The following ST8SIA1 variants were observed in gnomAD, a reference collection of about 807,000 sequenced individuals.
ST8SIA1 encodes the protein alpha-N-acetylneuraminide alpha-2,8-sialyltransferase.
Under a neutral mutation model 35.9 loss-of-function variants are expected in ST8SIA1, and 16 were observed. The observed-to-expected ratio is 0.45, with a 90% CI of 0.30 to 0.68. The LOEUF is 0.68. ST8SIA1 is among the 30% of genes least tolerant of loss of function. The pLI, the probability that ST8SIA1 is intolerant of heterozygous loss-of-function variation, is 0.09. For synonymous variants in ST8SIA1, 170 were observed against 169.6 expected (o/e 1.00, Z -0.02); for missense variants, 383 against 453.6 (o/e 0.84, Z 1.41).
intron 2 of ST8SIA1, among the ~76,000 whole-genome samples, chr12:22,266,502 A>AAAAAT (rs1555158392): frequency 6.7e-6 from 1 of 150,156 alleles, no homozygotes; most frequent in Non-Finnish European, 1.5e-5. Context: ...TTAAAAAAAA[A>AAAAAT]ATATATATAT....
intron 1 of ST8SIA1, among the ~76,000 whole-genome samples, chr12:22,307,779 T>A (rs567917766): frequency 2.0e-5 from 3 of 152,218 alleles, no homozygotes; most frequent in Non-Finnish European, 4.4e-5. Flanking sequence ...TTCTTACAAG[T>A]TTATGCCTAT....
At position 22,312,495 on chromosome 12, in the gene ST8SIA1, A is replaced by G. The variant is rs76709546; in HGVS notation, c.236+21502T>C. Reference sequence around the variant, plus strand: ...CTGAGCAGCAGTTGGCAACAGAACAATGCTTCCTTTGTGCACAGACACATG... The same window carrying G: ...CTGAGCAGCAGTTGGCAACAGAACAGTGCTTCCTTTGTGCACAGACACATG... On this transcript the variant is annotated intron_variant, in intron 1 of 4. Coordinates refer to ENST00000396037, the MANE Select transcript of ST8SIA1 (RefSeq NM_003034.4). Among the ~76,000 whole-genome samples, 393 of 152,274 alleles carry G rather than the reference A, an allele frequency of 2.6e-3. 8 individuals carry two copies. The East Asian group carries it at 0.068, about 26-fold the overall frequency.
chr12:22,302,374 A>G (rs1375681229), intron 1 of ST8SIA1, among the ~76,000 whole-genome samples: 1 of 152,200 alleles, frequency 6.6e-6, no homozygotes, highest in African/African-American at 2.4e-5. Context: ...TTACACACAT[A>G]AGCCACTTTC....
At chr12:22,281,819 C>A (rs993174063) in intron 2 of ST8SIA1, among the ~76,000 whole-genome samples, 1,075 of 102,248 alleles carry the variant, frequency 0.011, no homozygotes, top group Admixed American at 0.012. Flanking sequence ...CTTGTCTCTA[C>A]AAAAAAAAAA....
At chr12:22,253,950 C>T (rs1865700966) in intron 3 of ST8SIA1, among the ~76,000 whole-genome samples, 1 of 152,202 alleles carries the variant, frequency 6.6e-6, no homozygotes, top group Admixed American at 6.5e-5. Flanking sequence ...TCTTCCCTCT[C>T]CCACTTAGCT....
At chr12:22,316,315 T>C (rs1351178370) in intron 1 of ST8SIA1, among the ~76,000 whole-genome samples, 2 of 152,144 alleles carry the variant, frequency 1.3e-5, no homozygotes, top group Non-Finnish European at 2.9e-5. Flanking sequence ...GAGACACAAC[T>C]ATGGAAGAAA....
At position 22,201,649 on chromosome 12, in the gene ST8SIA1, G is replaced by T. The variant is rs1865048972; in HGVS notation, c.974C>A (p.Pro325His). 1.2e-6 allele frequency: 2 copies of T among 1,613,994 alleles called. No homozygotes were observed. The highest frequency in any genetic ancestry group is 1.7e-6 in the Non-Finnish European group (2 of 1,179,996). Residue 325 changes from proline (P) to histidine (H), a missense_variant, in exon 5 of 5, where the codon CCC (proline) becomes CAC (histidine). By Grantham distance (77) the Pro-to-His change is moderately conservative. Transcript: ENST00000396037. ...ATACCAGAGTTGGAGAAATTCCTCG[G>T]GCATGGCATGGAAGCCAGAAAAGGG... is the stretch of plus-strand genomic sequence containing the variant. ...VLPFSGFHAM[P>H]EEFLQLWYLH...
chr12:22,227,402 C>T (rs1452412184), intron 4 of ST8SIA1, among the ~76,000 whole-genome samples: 1 of 151,586 alleles, frequency 6.6e-6, no homozygotes, highest in East Asian at 2.0e-4. Flanking sequence ...GGTGAAACCC[C>T]ATCTCTACTA....
intron 4 of ST8SIA1, among the ~76,000 whole-genome samples, chr12:22,216,596 TTTTA>T (rs924410583): frequency 3.3e-5 from 5 of 152,218 alleles, no homozygotes; most frequent in African/African-American, 1.2e-4. Context: ...ATCACTTTAT[TTTTA>T]TCAAGGTACT....
intron 1 of ST8SIA1, among the ~76,000 whole-genome samples, chr12:22,291,252 A>G (rs1007283802): frequency 6.6e-6 from 1 of 152,230 alleles, no homozygotes; most frequent in Admixed American, 6.5e-5. Context: ...AATTATGCCT[A>G]GGATCAGAGT....
intron 4 of ST8SIA1, among the ~76,000 whole-genome samples, chr12:22,248,182 TGAACACACATGCTGA>T (rs980661061): frequency 3.9e-5 from 6 of 152,168 alleles, no homozygotes; most frequent in African/African-American, 1.4e-4. Context: ...TGTGAATAAG[TGAACACACATGCTGA>T]TCACTTGGAC....
At chr12:22,232,337 A>C (rs1220953149) in intron 4 of ST8SIA1, among the ~76,000 whole-genome samples, 3 of 152,128 alleles carry the variant, frequency 2.0e-5, no homozygotes, top group African/African-American at 4.8e-5. Flanking sequence ...TAAAATACGA[A>C]AGTAGAGCCA....
At position 22,238,661 on chromosome 12, in the gene ST8SIA1, T is replaced by C. The variant is rs754186271; in HGVS notation, c.584+10345A>G. 1.2e-4 allele frequency among the ~76,000 whole-genome samples: 19 copies of C among 152,202 alleles called. 1 individual carries two copies. The highest frequency in any genetic ancestry group is 2.1e-4 in the Non-Finnish European group (14 of 68,032). Reference sequence around the variant, plus strand: ...AGAAGTAAAAAACTGAAAGAAGAGCTAAAAACACTTCAATCTCCCCCTCCT... The same window carrying C: ...AGAAGTAAAAAACTGAAAGAAGAGCCAAAAACACTTCAATCTCCCCCTCCT... On this transcript the variant is annotated intron_variant, in intron 4 of 4. Coordinates refer to ENST00000396037, the MANE Select transcript of ST8SIA1 (RefSeq NM_003034.4).
chr12:22,205,396 A>G (rs1368954229), intron 4 of ST8SIA1, among the ~76,000 whole-genome samples: 2 of 152,220 alleles, frequency 1.3e-5, no homozygotes, highest in African/African-American at 2.4e-5. Context: ...TTAATTTATA[A>G]TCAATATGAG....
intron 1 of ST8SIA1, 44 bp downstream of exon 1, chr12:22,333,953 G>A (rs977664882): frequency 1.3e-6 from 2 of 1,567,672 alleles, no homozygotes; most frequent in Admixed American, 1.7e-5. Context: ...TGCACTCGGG[G>A]AGGAAAGGAC....
At chr12:22,299,633 T>A (rs1204478999) in intron 1 of ST8SIA1, among the ~76,000 whole-genome samples, 2 of 152,170 alleles carry the variant, frequency 1.3e-5, no homozygotes, top group Admixed American at 6.5e-5. Context: ...TTCTAGAGAT[T>A]GGGTTTGATG....
At chr12:22,326,560 A>C (rs1591859357) in intron 1 of ST8SIA1, among the ~76,000 whole-genome samples, 1 of 152,206 alleles carries the variant, frequency 6.6e-6, no homozygotes, top group Non-Finnish European at 1.5e-5. Flanking sequence ...CAATGTCACA[A>C]AGTTGATAAA....
In ST8SIA1 at chr12:22,201,439, G is replaced by T; in HGVS notation, c.*113C>A. 7.1e-7 allele frequency: 1 copy of T among 1,414,852 alleles called. No homozygotes were observed. Among genetic ancestry groups the T allele is most frequent in the Non-Finnish European group, 9.5e-7 (1 of 1,056,068 alleles). 87.6% of individuals were successfully genotyped at this position (1,414,852 alleles called of 1,614,324 possible). ...CTTGGATCTTCATTGCTCCTTTCCTGTTTTTCCAAGGGCCCATGCAAACTC... is the reference window on the plus strand; with the variant it reads ...CTTGGATCTTCATTGCTCCTTTCCTTTTTTTCCAAGGGCCCATGCAAACTC... On this transcript the variant is annotated 3_prime_UTR_variant, in exon 5 of 5. Transcript: ENST00000396037.
chr12:22,225,554 C>A (rs1225766058), intron 4 of ST8SIA1, among the ~76,000 whole-genome samples: 1 of 152,128 alleles, frequency 6.6e-6, no homozygotes, highest in African/African-American at 2.4e-5. Flanking sequence ...ATTAATATTT[C>A]TTGTAAACAC....
Sources: gnomAD v4.1 joint callset for allele counts (sites outside exome capture counted in the v4.1 genomes callset) on GRCh38, gnomAD v4.1.1 for gene constraint, MANE v1.5 for transcripts, NCBI Gene and HGNC (gene_info 2026-07-23, HGNC 2026-07-21) for gene names.